Variants in SERHL2 observed in about 807,000 individuals in gnomAD.
SERHL2 encodes the protein serine hydrolase-like protein 2.
Under a neutral mutation model 25.5 loss-of-function variants are expected in SERHL2, and 29 were observed. That is an observed-to-expected ratio of 1.14 (90% confidence interval 0.85 to 1.55). The LOEUF (loss-of-function observed/expected upper bound fraction) is 1.55, where lower values mean the gene tolerates loss of function less well. SERHL2 is among the 40% of genes most tolerant of loss of function. The probability of loss-of-function intolerance (pLI) is 0.00; values close to 1 mark genes in which losing one functional copy is unlikely to be tolerated. For synonymous variants in SERHL2, 95 were observed against 103.5 expected, an observed-to-expected ratio of 0.92 and a Z score of 0.50; for missense variants, 240 against 252.3, an observed-to-expected ratio of 0.95 and a Z score of 0.33.
intron 9 of SERHL2, among the ~76,000 whole-genome samples, chr22:42,567,861 C>G (rs1003961429): frequency 4.0e-5 from 6 of 151,384 alleles, no homozygotes; most frequent in African/African-American, 7.3e-5. Flanking sequence ...CCCCAAGTAG[C>G]TGGGATTACA....
rs1321814210 is a variant in SERHL2, at chr22:42,569,422, C to G, written c.649-1699C>G. The G allele has an allele frequency of 2.6e-5, 4 of 151,726 alleles. 1 individual carries two copies. Among genetic ancestry groups the G allele is most frequent in the Non-Finnish European group, 5.9e-5 (4 of 67,912 alleles). 9.4% of individuals were successfully genotyped at this position (151,726 alleles called of 1,614,324 possible). ...TACAGGCGCCTGACACCATGCCCAG[C>G]TAATTTGTTGTAATTTTAGTAGAGA... On this transcript the variant is annotated intron_variant, in intron 9 of 11. Transcript: ENST00000327678.
chr22:42,565,812 G>T (rs901322890), intron 8 of SERHL2, among the ~76,000 whole-genome samples: 9 of 151,796 alleles, frequency 5.9e-5, no homozygotes, highest in African/African-American at 2.2e-4. Context: ...CCCCCACCAA[G>T]AAAATCTTGT....
At position 42,574,133 on chromosome 22, in the gene SERHL2, G is replaced by A; in HGVS notation, c.*78G>A. 7.4e-7 allele frequency: 1 copy of A among 1,353,064 alleles called. No homozygotes were observed. 83.8% of individuals were successfully genotyped at this position (1,353,064 alleles called of 1,614,324 possible). Reference sequence around the variant, plus strand: ...TCTGAGTTCCTGAGCCCCACAACAAGGCCAGGGATGGTGGGGACAGGCCTC... The same window carrying A: ...TCTGAGTTCCTGAGCCCCACAACAAAGCCAGGGATGGTGGGGACAGGCCTC... On this transcript the variant is annotated 3_prime_UTR_variant, in exon 12 of 12. Transcript: ENST00000327678.
chr22:42,562,388 G>C (rs1003642679), intron 8 of SERHL2, among the ~76,000 whole-genome samples: 2 of 151,902 alleles, frequency 1.3e-5, no homozygotes, highest in African/African-American at 4.8e-5. Flanking sequence ...CAGGGTCCAA[G>C]GTCAAGGCCT....
intron 1 of SERHL2, among the ~76,000 whole-genome samples, chr22:42,554,271 G>A (rs191405396): frequency 1.3e-5 from 2 of 152,268 alleles, no homozygotes; most frequent in East Asian, 3.9e-4. Context: ...TGAGTTAGCC[G>A]AGCGTGCGCG....
At chr22:42,554,567 CAGGAA>C in intron 1 of SERHL2, among the ~76,000 whole-genome samples, 1 of 152,244 alleles carries the variant, frequency 6.6e-6, no homozygotes, top group Non-Finnish European at 1.5e-5. Flanking sequence ...TCCGGTTTTA[CAGGAA>C]AGGAAACAGG....
At chr22:42,567,956 C>G (rs1308686703) in intron 9 of SERHL2, among the ~76,000 whole-genome samples, 1 of 151,602 alleles carries the variant, frequency 6.6e-6, no homozygotes, top group Non-Finnish European at 1.5e-5. Flanking sequence ...TCTCGAACTC[C>G]TGACCTCAGG....
chr22:42,567,178 G>A (rs1306134388), intron 9 of SERHL2, among the ~76,000 whole-genome samples: 5 of 152,030 alleles, frequency 3.3e-5, no homozygotes, highest in Admixed American at 6.5e-5. Context: ...AGGTGGGGAC[G>A]CTCTAACTGC....
chr22:42,566,776 AAG>A (rs1242938000), intron 9 of SERHL2, among the ~76,000 whole-genome samples: 1 of 152,122 alleles, frequency 6.6e-6, no homozygotes, highest in East Asian at 1.9e-4. Context: ...GTGAAGATTA[AAG>A]AGGGGAGGGG....
intron 9 of SERHL2, among the ~76,000 whole-genome samples, chr22:42,567,777 C>T (rs1157054283): frequency 6.6e-6 from 1 of 151,298 alleles, no homozygotes; most frequent in African/African-American, 2.4e-5. Flanking sequence ...GTTGCAAAGG[C>T]TGGAGTGCAA....
In SERHL2 at chr22:42,574,245, G is replaced by C. The variant is rs1924688589; in HGVS notation, c.*190G>C. ...CATCTGTGACCTCAAGGGGGAGACA[G>C]AGTCTGGGTTCCAGGGCTGCTTTCT... On this transcript the variant is annotated 3_prime_UTR_variant, in exon 12 of 12. Coordinates refer to ENST00000327678, the MANE Select transcript of SERHL2 (RefSeq NM_014509.5). 6.7e-6 allele frequency: 4 copies of C among 598,606 alleles called. No homozygotes were observed. Among genetic ancestry groups the C allele is most frequent in the African/African-American group, 3.8e-5 (2 of 53,122 alleles). 37.1% of individuals were successfully genotyped at this position (598,606 alleles called of 1,614,324 possible).
At chr22:42,572,292 A>C in intron 10 of SERHL2, 144 bp from the exon 11 acceptor site, 1 of 579,734 alleles carries the variant, frequency 1.7e-6, no homozygotes, top group South Asian at 2.3e-5. Context: ...AATCCAACCC[A>C]GGGTCAAGGG....
rs915219457 is a variant in SERHL2, at chr22:42,574,213, A to C, written c.*158A>C. 21 of 643,840 alleles carry C rather than the reference A, an allele frequency of 3.3e-5. No individual in the cohort carries two copies. Among genetic ancestry groups the C allele is most frequent in the Non-Finnish European group, 4.9e-5 (18 of 369,168 alleles). 39.9% of individuals were successfully genotyped at this position (643,840 alleles called of 1,614,324 possible). On this transcript the variant is annotated 3_prime_UTR_variant, in exon 12 of 12. Coordinates refer to ENST00000327678, the MANE Select transcript of SERHL2 (RefSeq NM_014509.5). ...AGTCAGGGGAAGGAGCGAGATTCCA[A>C]CTTCAACATCTGTGACCTCAAGGGG...
At chr22:42,566,438 A>G (rs2146719994) in intron 9 of SERHL2, 100 bp downstream of exon 9, 2 of 1,175,560 alleles carry the variant, frequency 1.7e-6, no homozygotes, top group Non-Finnish European at 2.5e-6. Flanking sequence ...CACGCCTGTA[A>G]TCCCAGCTAC....
intron 8 of SERHL2, 43 bp downstream of exon 8, chr22:42,560,308 A>G (rs1426175256): frequency 2.8e-6 from 4 of 1,439,524 alleles, no homozygotes; most frequent in East Asian, 2.3e-5. Context: ...ATTTGTCACT[A>G]TTCTTACCGA....
chr22:42,565,908 C>T (rs1449818667), intron 8 of SERHL2, among the ~76,000 whole-genome samples: 7 of 151,938 alleles, frequency 4.6e-5, no homozygotes, highest in Admixed American at 3.9e-4. Flanking sequence ...GGCTGGAGTG[C>T]AGTGGCACGA....
chr22:42,566,430 C>T (rs762114428), intron 9 of SERHL2, 92 bp downstream of exon 9: 19 of 1,256,470 alleles, frequency 1.5e-5, no homozygotes, highest in Middle Eastern at 2.6e-4. Context: ...TGGTGGCTCA[C>T]GCCTGTAATC....
At chr22:42,561,954 G>A (rs1490581025) in intron 8 of SERHL2, among the ~76,000 whole-genome samples, 3 of 151,742 alleles carry the variant, frequency 2.0e-5, no homozygotes, top group East Asian at 1.9e-4. Context: ...CGGGGAATTC[G>A]ATTAGGCCCA....
rs1435285048 is a variant in SERHL2 at position 42,566,448 on chromosome 22, C to A, written c.648+110C>A. The A allele has an allele frequency of 4.7e-6, 5 of 1,064,978 alleles. No individual in the cohort carries two copies. In the African/African-American group the frequency reaches 7.8e-5, roughly 17 times the overall value. The allele number at this position is 1,064,978 out of a possible 1,614,324, so 66.0% of individuals were successfully genotyped here. ...TGGCTCACGCCTGTAATCCCAGCTA[C>A]TCAGGAGGCTGAGGCAGGACAATCG... is the stretch of plus-strand genomic sequence containing the variant. On this transcript the variant is annotated intron_variant, in intron 9 of 11. Coordinates refer to ENST00000327678, the MANE Select transcript of SERHL2 (RefSeq NM_014509.5).
Sources: gnomAD v4.1 joint callset for allele counts (sites outside exome capture counted in the v4.1 genomes callset) on GRCh38, gnomAD v4.1.1 for gene constraint, MANE v1.5 for transcripts, NCBI Gene and HGNC (gene_info 2026-07-23, HGNC 2026-07-21) for gene names.